Variants in HMBOX1 observed in about 807,000 individuals in gnomAD.
HMBOX1 encodes the protein homeobox containing 1.
Under a neutral mutation model 54.5 loss-of-function variants are expected in HMBOX1, and 14 were observed. That is an observed-to-expected ratio of 0.26 (90% CI 0.17 to 0.40). The LOEUF is 0.40. HMBOX1 is among the 10% of genes least tolerant of loss of function. The pLI is 1.00. For synonymous variants in HMBOX1, 160 were observed against 181.0 expected (o/e 0.88, Z 0.93); for missense variants, 332 against 514.4 (o/e 0.65, Z 3.43).
chr8:28,918,431 C>T (rs1010674836), intron 1 of HMBOX1, among the ~76,000 whole-genome samples: 3 of 151,620 alleles, frequency 2.0e-5, no homozygotes, highest in Non-Finnish European at 4.4e-5. Context: ...TCTCAATCTC[C>T]TGACCTTGTG....
chr8:28,898,592 G>C (rs1812615588), intron 1 of HMBOX1, among the ~76,000 whole-genome samples: 1 of 152,156 alleles, frequency 6.6e-6, no homozygotes, highest in African/African-American at 2.4e-5. Context: ...GTGATAAATG[G>C]TTTCTTGTCT....
At chr8:28,988,488 C>A (rs1011427855) in intron 4 of HMBOX1, among the ~76,000 whole-genome samples, 1 of 152,124 alleles carries the variant, frequency 6.6e-6, no homozygotes, top group Non-Finnish European at 1.5e-5. Context: ...ATACGTTTAA[C>A]TTTTTAAGAA....
intron 5 of HMBOX1, among the ~76,000 whole-genome samples, chr8:29,012,229 C>G (rs1330092153): frequency 1.3e-5 from 2 of 152,080 alleles, no homozygotes; most frequent in Non-Finnish European, 2.9e-5. Context: ...CTAAAATAAC[C>G]TTTGATTTTA....
At position 28,938,531 on chromosome 8, in the gene HMBOX1, C is replaced by A. The variant is rs532557163; in HGVS notation, c.-57-25280C>A. Among the ~76,000 whole-genome samples the A allele has an allele frequency of 3.3e-5, 5 of 152,116 alleles. No individual in the cohort carries two copies. In the South Asian group the frequency reaches 1.0e-3, roughly 32 times the overall value. On this transcript the variant is annotated intron_variant, in intron 1 of 9. Coordinates refer to ENST00000287701, the MANE Select transcript of HMBOX1 (RefSeq NM_001135726.3). The stretch of plus-strand genomic sequence containing the variant: ...ATAGAATCATAGTTCACTGCAGTCC[C>A]AAACTCCTGGGCTCAGGTCATCCTC...
At chr8:28,987,971 A>G (rs897839778) in intron 4 of HMBOX1, among the ~76,000 whole-genome samples, 6 of 152,216 alleles carry the variant, frequency 3.9e-5, no homozygotes, top group Admixed American at 6.5e-5. Flanking sequence ...ACATAAGAGT[A>G]TAGGTTTCTG....
intron 1 of HMBOX1, among the ~76,000 whole-genome samples, chr8:28,891,973 T>A (rs979288192): frequency 6.6e-5 from 10 of 152,274 alleles, no homozygotes; most frequent in African/African-American, 2.4e-4. Context: ...ACCTCTGGCT[T>A]CCCTCTTCCT....
At chr8:28,944,252 A>G (rs1432226687) in intron 1 of HMBOX1, among the ~76,000 whole-genome samples, 1 of 152,250 alleles carries the variant, frequency 6.6e-6, no homozygotes, top group Non-Finnish European at 1.5e-5. Flanking sequence ...TTTAATCACC[A>G]TATCCTATGA....
intron 7 of HMBOX1, chr8:29,046,432 T>C (rs1429912042): frequency 6.6e-6 from 1 of 152,206 alleles, no homozygotes; most frequent in Non-Finnish European, 1.5e-5. Flanking sequence ...GAGGAAATGT[T>C]ACAGGGGGGT....
At chr8:28,992,791 A>C (rs1335660429) in intron 4 of HMBOX1, among the ~76,000 whole-genome samples, 1 of 141,480 alleles carries the variant, frequency 7.1e-6, no homozygotes. Flanking sequence ...AATCGTGTGA[A>C]CCTGGGAGGT....
intron 5 of HMBOX1, among the ~76,000 whole-genome samples, chr8:29,014,300 C>T (rs914602662): frequency 3.9e-5 from 6 of 151,948 alleles, no homozygotes; most frequent in Non-Finnish European, 8.8e-5. Flanking sequence ...AAATAGACAA[C>T]ACACTTTTCC....
intron 1 of HMBOX1, among the ~76,000 whole-genome samples, chr8:28,927,551 G>T (rs565416802): frequency 6.6e-5 from 10 of 152,046 alleles, no homozygotes; most frequent in Non-Finnish European, 1.5e-4. Context: ...AGAGAAGGAA[G>T]AGAGGGAGGT....
intron 1 of HMBOX1, among the ~76,000 whole-genome samples, chr8:28,960,439 T>TACA (rs1825256402): frequency 6.6e-6 from 1 of 151,936 alleles, no homozygotes; most frequent in Non-Finnish European, 1.5e-5. Context: ...TTACCGTGTT[T>TACA]GTGATCAATT....
At chr8:29,043,648 C>A (rs1273430081) in intron 6 of HMBOX1, among the ~76,000 whole-genome samples, 1 of 152,146 alleles carries the variant, frequency 6.6e-6, no homozygotes, top group Non-Finnish European at 1.5e-5. Context: ...ATTTAGGTCA[C>A]CTGGAAATCT....
At chr8:28,921,906 A>C (rs1817626728) in intron 1 of HMBOX1, among the ~76,000 whole-genome samples, 1 of 152,250 alleles carries the variant, frequency 6.6e-6, no homozygotes, top group South Asian at 2.1e-4. Context: ...GTGATGAATT[A>C]TGCTAAATCA....
intron 3 of HMBOX1, among the ~76,000 whole-genome samples, chr8:28,973,345 A>G (rs1827763864): frequency 6.6e-6 from 1 of 152,188 alleles, no homozygotes; most frequent in South Asian, 2.1e-4. Flanking sequence ...TTCCCTCTCC[A>G]AATAAATTTT....
intron 1 of HMBOX1, among the ~76,000 whole-genome samples, chr8:28,911,307 T>C (rs1303011495): frequency 1.3e-5 from 2 of 152,218 alleles, no homozygotes; most frequent in Non-Finnish European, 2.9e-5. Flanking sequence ...AGGTGCAGTC[T>C]GATTAGGACA....
chr8:29,009,094 T>C lies in HMBOX1; in HGVS notation c.609T>C (p.Ser203=). 6.2e-7 allele frequency: 1 copy of C among 1,613,468 alleles called. No homozygotes were observed. Among genetic ancestry groups the C allele is most frequent in the Non-Finnish European group, 8.5e-7 (1 of 1,179,436 alleles). Residue 203 remains serine (S), a synonymous_variant, in exon 5 of 10, where the codon TCT becomes TCC. Transcript: ENST00000287701. ...TAGGTATCAGTCAGAGCCGGATCTC[T>C]CATTGGCTGTTGCAGCAGGGATCAG... ...QVTGISQSRI[S]HWLLQQGSDL...
chr8:29,003,450 A>G (rs912950028), intron 4 of HMBOX1, among the ~76,000 whole-genome samples: 6 of 149,582 alleles, frequency 4.0e-5, no homozygotes, highest in Non-Finnish European at 8.9e-5. Flanking sequence ...TTATATGTAG[A>G]ATAACCCCAA....
intron 1 of HMBOX1, chr8:28,891,753 C>CAA (rs1162556396): frequency 9.9e-5 from 15 of 152,274 alleles, no homozygotes; most frequent in Non-Finnish European, 4.4e-5. Context: ...TTGCATTTGC[C>CAA]TGAAAGCTGG....
Sources: allele counts gnomAD v4.1 joint callset (sites outside exome capture counted in the v4.1 genomes callset), GRCh38; gene constraint gnomAD v4.1.1; transcripts MANE v1.5; gene names NCBI Gene and HGNC (gene_info 2026-07-23, HGNC 2026-07-21).